Variants in LTBP3 observed in about 807,000 individuals in gnomAD.
The protein encoded by LTBP3 is latent-transforming growth factor beta-binding protein 3.
A neutral mutation model predicts 159.7 loss-of-function variants in LTBP3; 97 were observed. The ratio of observed to expected loss-of-function variants is 0.61; its 90% confidence interval spans 0.52 to 0.72. The LOEUF (loss-of-function observed/expected upper bound fraction) is 0.72. Among genes scored for constraint, LTBP3 ranks in the 30% least tolerant of loss-of-function variants. The pLI is 0.00. For missense variants in LTBP3, 1,584 were observed against 1,864.3 expected, an observed-to-expected ratio of 0.85 and a Z score of 2.77; for synonymous variants, 824 against 777.1, an observed-to-expected ratio of 1.06 and a Z score of -1.00.
Position 65,539,240 on chromosome 11 carries a change from G to A in LTBP3, c.3761-9C>T, listed in dbSNP as rs1193047102. On this transcript the variant is annotated splice_polypyrimidine_tract_variant and intron_variant, in intron 27 of 27. Coordinates refer to ENST00000301873, the MANE Select transcript of LTBP3 (RefSeq NM_001130144.3). ...TCGGCACTCGTCGATATCTGAAGGTGAGGGCGACAGGTGCGGCTTCGCTGA... is the reference window on the plus strand; with the variant it reads ...TCGGCACTCGTCGATATCTGAAGGTAAGGGCGACAGGTGCGGCTTCGCTGA... 7.9e-6 allele frequency: 12 copies of A among 1,525,806 alleles called. No homozygotes were observed. The highest frequency in any genetic ancestry group is 1.4e-5 in the African/African-American group (1 of 71,462). 94.5% of individuals were successfully genotyped at this position (1,525,806 alleles called of 1,614,324 possible).
At position 65,543,226 on chromosome 11, in the gene LTBP3, T is replaced by TGTAGGGGATG. The variant is rs766331896; in HGVS notation, c.2477-12_2477-3dup. 3.4e-5 allele frequency: 55 copies of TGTAGGGGATG among 1,613,944 alleles called. No homozygotes were observed. The Admixed American group carries it at 9.0e-4, about 26-fold the overall frequency. Reference sequence around the variant, plus strand: ...CAGGGAAGTCACACTCATCAATGTCTGTAGGGGATGGAAGGGGTGGAGAAT... The same window carrying TGTAGGGGATG: ...CAGGGAAGTCACACTCATCAATGTCTGTAGGGGATGGTAGGGGATGGAAGGGGTGGAGAAT... On this transcript the variant is annotated splice_polypyrimidine_tract_variant and splice_region_variant and intron_variant, in intron 17 of 27. Transcript: ENST00000301873.
chr11:65,539,863 C>G lies in LTBP3; in HGVS notation c.3404G>C (p.Arg1135Pro). 1 of 1,517,310 alleles carries G rather than the reference C, an allele frequency of 6.6e-7. No individual in the cohort carries two copies. The highest frequency in any genetic ancestry group is 8.8e-7 in the Non-Finnish European group (1 of 1,139,808). 94.0% of individuals were successfully genotyped at this position (1,517,310 alleles called of 1,614,324 possible). ...ESPAERAPER[R>P]DVCWSQRGED... ...TCCGCGCTGGCTCCAGCACACGTCG[C>G]GCCGCTCCGGGGCACGCTCTGCGGA... Residue 1135 changes from arginine to proline, a missense_variant, in exon 25 of 28, where the codon CGC (arginine) becomes CCC (proline). By Grantham distance (103) the Arg-to-Pro change is moderately radical. This residue lies in a region of LTBP3 where 514 missense variants were observed against 530.3 expected (regional missense o/e 0.97). Transcript: ENST00000301873.
chr11:65,557,105 A>C (rs1590790710), intron 1 of LTBP3, among the ~76,000 whole-genome samples: 1 of 151,008 alleles, frequency 6.6e-6, no homozygotes, highest in African/African-American at 2.4e-5. Flanking sequence ...AGGCCTCAAC[A>C]CCCTCCCTAC....
rs1375205800 is a variant in LTBP3 at position 65,539,368 on chromosome 11, G to C, written c.3720C>G (p.Pro1240=). The change falls in exon 27 of 28, where the codon CCC becomes CCG. Residue 1240 remains proline (P), a synonymous_variant. Coordinates refer to ENST00000301873, the MANE Select transcript of LTBP3 (RefSeq NM_001130144.3). ...PRPGGAVCEC[P]GGFQLDASRA... ...GGGAGGCGTCGAGCTGGAAGCCGCC[G>C]GGACACTCGCACACGGCGCCGCCCG... The C allele has an allele frequency of 2.0e-6, 3 of 1,502,988 alleles. No homozygotes were observed. The highest frequency in any genetic ancestry group is 1.7e-4 in the Middle Eastern group (1 of 5,760). The allele number at this position is 1,502,988 out of a possible 1,614,324, so 93.1% of individuals were successfully genotyped here. A position where few individuals can be genotyped will look rare whatever the true frequency, so the allele number is the denominator to read the frequency against.
rs1855878462 is a variant in LTBP3, at chr11:65,538,741, G to A, written c.*339C>T. On this transcript the variant is annotated 3_prime_UTR_variant, in exon 28 of 28. Coordinates refer to ENST00000301873, the MANE Select transcript of LTBP3 (RefSeq NM_001130144.3). ...GGGCTCAGTCTAGCCCCTGGGAGGC[G>A]GCTGGGGTCTGGCGCCGCCCTGCGC... The A allele has an allele frequency of 7.9e-6, 8 of 1,009,596 alleles. No homozygotes were observed. The highest frequency in any genetic ancestry group is 5.2e-5 in the South Asian group (3 of 57,842). The allele number at this position is 1,009,596 out of a possible 1,614,324, so 62.5% of individuals were successfully genotyped here.
At chr11:65,543,320 C>T in intron 17 of LTBP3, 96 bp from the exon 18 acceptor site, 1 of 1,612,098 alleles carries the variant, frequency 6.2e-7, no homozygotes, top group Non-Finnish European at 8.5e-7. Context: ...GGGTCAGTCC[C>T]ACGCCCCTAT....
At position 65,540,575 on chromosome 11, in the gene LTBP3, T is replaced by G; in HGVS notation, c.3017A>C (p.Lys1006Thr). 6.2e-7 allele frequency: 1 copy of G among 1,613,860 alleles called. No individual in the cohort carries two copies. The change falls in exon 22 of 28, where the codon AAG becomes ACG. Residue 1006 changes from lysine to threonine, a missense_variant. By Grantham distance (78) the Lys-to-Thr change is moderately conservative. This residue lies in a region of LTBP3 where 514 missense variants were observed against 530.3 expected (regional missense o/e 0.97). Coordinates refer to ENST00000301873, the MANE Select transcript of LTBP3 (RefSeq NM_001130144.3). ...ECMLFGSEIC[K>T]EGKCVNTQPG... Reference sequence around the variant, plus strand: ...CTGCGTGTTCACGCACTTGCCCTCCTTGCAAATCTCCGACCCGAACAACAT... The same window carrying G: ...CTGCGTGTTCACGCACTTGCCCTCCGTGCAAATCTCCGACCCGAACAACAT...
chr11:65,547,616 A>AG lies in LTBP3; in HGVS notation c.1979-50dup. The AG allele has an allele frequency of 6.2e-7, 1 of 1,610,668 alleles. No individual in the cohort carries two copies. Among genetic ancestry groups the AG allele is most frequent in the Non-Finnish European group, 8.5e-7 (1 of 1,178,496 alleles). On this transcript the variant is annotated intron_variant, in intron 13 of 27. Transcript: ENST00000301873. The surrounding 1 kb of genome is among the most constrained non-coding windows in gnomAD (Gnocchi z 4.6). The stretch of plus-strand genomic sequence containing the variant: ...AAGGGGGTGTAGGAGGCGGCGGGCA[A>AG]GGGGAGGGATTACACGGCGGTCTGG...
In LTBP3 at chr11:65,541,185, G is replaced by A; in HGVS notation, c.2834C>T (p.Ser945Phe). 3 of 1,613,712 alleles carry A rather than the reference G, an allele frequency of 1.9e-6. No homozygotes were observed. Among genetic ancestry groups the A allele is most frequent in the Non-Finnish European group, 2.5e-6 (3 of 1,180,010 alleles). The change falls in exon 20 of 28, where the codon TCT (serine) becomes TTT (phenylalanine). Residue 945 changes from serine (S) to phenylalanine (F), a missense_variant. By Grantham distance (155) the Ser-to-Phe change is radical. Around this residue, in one of 6 missense-constraint regions of LTBP3, gnomAD observed 565 missense variants for 677.7 expected, o/e 0.83. Transcript: ENST00000301873. ...TNVTQQECCC[S>F]LGAGWGDHCE... ...GTGGTCGCCCCAGCCGGCCCCCAGA[G>A]AGCAGCAGCACTCCTGCTGGGTCAC...
chr11:65,538,887 C>T lies in LTBP3; in HGVS notation c.*193G>A, dbSNP rs987577220. On this transcript the variant is annotated 3_prime_UTR_variant, in exon 28 of 28. Coordinates refer to ENST00000301873, the MANE Select transcript of LTBP3 (RefSeq NM_001130144.3). ...TGGGAGGAAGGCAGGCAGCGCCCGC[C>T]GGAGACCTTACAACCGCCCGCTAAC... is the stretch of plus-strand genomic sequence containing the variant. The T allele has an allele frequency of 3.6e-6, 4 of 1,101,848 alleles. No individual in the cohort carries two copies. Among genetic ancestry groups the T allele is most frequent in the South Asian group, 2.2e-5 (1 of 46,206 alleles). The allele number at this position is 1,101,848 out of a possible 1,614,324, so 68.3% of individuals were successfully genotyped here.
Position 65,539,332 on chromosome 11 carries a change from G to A in LTBP3, c.3756C>T (p.Cys1252=). The change falls in exon 27 of 28, where the codon TGC becomes TGT. Residue 1252 remains cysteine, a synonymous_variant. Transcript: ENST00000301873. Reference sequence around the variant, plus strand: ...CACCCCCGAAGCCCGGCTCACCCACGCAGCGGGCGCGGGAGGCGTCGAGCT... The same window carrying A: ...CACCCCCGAAGCCCGGCTCACCCACACAGCGGGCGCGGGAGGCGTCGAGCT... The part of the protein sequence containing the change: ...GFQLDASRAR[C]VDIDECRELN... 4 of 1,244,630 alleles carry A rather than the reference G, an allele frequency of 3.2e-6. No homozygotes were observed. Among genetic ancestry groups the A allele is most frequent in the Non-Finnish European group, 4.3e-6 (4 of 935,108 alleles). The allele number at this position is 1,244,630 out of a possible 1,614,324, so 77.1% of individuals were successfully genotyped here.
intron 11 of LTBP3, among the ~76,000 whole-genome samples, chr11:65,549,566 T>C (rs1302304469): frequency 1.0e-5 from 1 of 96,056 alleles, no homozygotes; most frequent in East Asian, 3.2e-4. Flanking sequence ...GCCCAGCTAA[T>C]CTTTTTTTTT....
At chr11:65,543,731 G>C (rs1856253516) in intron 16 of LTBP3, 182 bp from the exon 17 acceptor site, 1 of 730,016 alleles carries the variant, frequency 1.4e-6, no homozygotes, top group African/African-American at 1.7e-5. Flanking sequence ...GGTGCTGCCA[G>C]GGTCCCTAGG....
chr11:65,546,794 T>C lies in LTBP3; in HGVS notation c.2230+4A>G, dbSNP rs1220858213. 2 of 1,524,192 alleles carry C rather than the reference T, an allele frequency of 1.3e-6. No individual in the cohort carries two copies. The highest frequency in any genetic ancestry group is 1.8e-5 in the Admixed American group (1 of 56,474). 94.4% of individuals were successfully genotyped at this position (1,524,192 alleles called of 1,614,324 possible). A position where few individuals can be genotyped will look rare whatever the true frequency, so the allele number is the denominator to read the frequency against. The stretch of plus-strand genomic sequence containing the variant: ...ACCCACTCGGCTCCGGGCCCCGCCC[T>C]CACCGCGACAGGCCCCGCCCCCCTG... On this transcript the variant is annotated splice_donor_region_variant and intron_variant, in intron 15 of 27. Coordinates refer to ENST00000301873, the MANE Select transcript of LTBP3 (RefSeq NM_001130144.3). The surrounding 1 kb of genome is among the most constrained non-coding windows in gnomAD (Gnocchi z 4.0).
At position 65,549,413 on chromosome 11, in the gene LTBP3, C is replaced by A. The variant is rs144755462; in HGVS notation, c.1721-1368G>T. On this transcript the variant is annotated intron_variant, in intron 11 of 27. Transcript: ENST00000301873. ...TTCCTCATGTCTCTGGCATTTCTAA[C>A]CATCTTTCTTTTTTTTTGAGATGGA... 2.2e-3 allele frequency among the ~76,000 whole-genome samples: 332 copies of A among 152,066 alleles called. 4 individuals carry two copies. Among genetic ancestry groups the A allele is most frequent in the Admixed American group, 0.018 (270 of 15,264 alleles).
Position 65,547,546 on chromosome 11 carries a change from G to A in LTBP3, c.2000C>T (p.Pro667Leu). 2 of 1,614,010 alleles carry A rather than the reference G, an allele frequency of 1.2e-6. No individual in the cohort carries two copies. Among genetic ancestry groups the A allele is most frequent in the African/African-American group, 1.3e-5 (1 of 75,048 alleles). Reference protein sequence around the residue: ...SCVDLNECAKPHLCGDGGFCI... With the variant: ...SCVDLNECAKLHLCGDGGFCI... ...GAAGCCGCCGTCGCCGCACAGGTGG[G>A]GCTTGGCGCATTCGTTCAGGTCTGT... is the stretch of plus-strand genomic sequence containing the variant. The change falls in exon 14 of 28, where the codon CCC (proline) becomes CTC (leucine). Residue 667 changes from proline to leucine, a missense_variant. Physicochemically the swap from Pro to Leu is moderately conservative, Grantham distance 98 (BLOSUM62 -3). Around this residue, in one of 6 missense-constraint regions of LTBP3, gnomAD observed 565 missense variants for 677.7 expected, o/e 0.83. Coordinates refer to ENST00000301873, the MANE Select transcript of LTBP3 (RefSeq NM_001130144.3). This position sits in a 1 kb window ranked among gnomAD's most constrained non-coding sequence, Gnocchi z 4.6.
intron 1 of LTBP3, among the ~76,000 whole-genome samples, chr11:65,556,629 C>T (rs1175719561): frequency 6.6e-6 from 1 of 152,238 alleles, no homozygotes; most frequent in African/African-American, 2.4e-5. Context: ...TGTGCCACGC[C>T]ATGCCCATGG....
At chr11:65,541,317 G>C in intron 19 of LTBP3, 24 bp from the exon 20 acceptor site, 3 of 1,605,798 alleles carry the variant, frequency 1.9e-6, no homozygotes, top group Non-Finnish European at 2.5e-6. Flanking sequence ...GGCAGCTCAG[G>C]GTTGTGCACA....
Position 65,553,114 on chromosome 11 carries a change from T to G in LTBP3, c.1063+50A>C. The stretch of plus-strand genomic sequence containing the variant: ...ACCTTGGGACCCTCCCCACCCCCAG[T>G]GATGGCTGGCCTGCCCCTCCAGCCC... On this transcript the variant is annotated intron_variant, in intron 5 of 27. Transcript: ENST00000301873. The surrounding 1 kb of genome is among the most constrained non-coding windows in gnomAD (Gnocchi z 6.5). 1.2e-6 allele frequency: 2 copies of G among 1,608,062 alleles called. No individual in the cohort carries two copies. Among genetic ancestry groups the G allele is most frequent in the Non-Finnish European group, 1.7e-6 (2 of 1,174,836 alleles).
Sources: gnomAD v4.1 joint callset for allele counts (sites outside exome capture counted in the v4.1 genomes callset) on GRCh38, gnomAD v4.1.1 for gene constraint, gnomAD v4.1.1 regional missense constraint, Gnocchi (gnomAD v3.1) non-coding constraint, MANE v1.5 for transcripts, NCBI Gene and HGNC (gene_info 2026-07-23, HGNC 2026-07-21) for gene names.